Variants in SLC9A7 observed in about 807,000 individuals in gnomAD.
The protein encoded by SLC9A7 is sodium/hydrogen exchanger 7.
In SLC9A7, 19 loss-of-function variants were observed where a neutral mutation model predicts 52.6. The ratio of observed to expected loss-of-function variants is 0.36; its 90% CI spans 0.25 to 0.53. The LOEUF (loss-of-function observed/expected upper bound fraction) is 0.53. Ranked by LOEUF, SLC9A7 falls within the 20% of genes least tolerant of loss-of-function variation. The pLI is 0.91. For synonymous variants in SLC9A7, 226 were observed against 252.1 expected (o/e 0.90, Z 0.98); for missense variants, 455 against 597.9 (o/e 0.76, Z 2.49).
intron 1 of SLC9A7, among the ~76,000 whole-genome samples, chrX:46,687,167 TTAATTC>T (rs1460510028): frequency 8.9e-6 from 1 of 112,091 alleles, no homozygotes; most frequent in Admixed American, 9.5e-5. Flanking sequence ...ATGGTGAGGT[TTAATTC>T]TAGACAGCCA....
At chrX:46,657,289 C>G (rs1435251193) in intron 7 of SLC9A7, among the ~76,000 whole-genome samples, 4 of 109,572 alleles carry the variant, frequency 3.7e-5, no homozygotes, top group Middle Eastern at 4.2e-3. Context: ...TAAAGACCAT[C>G]GAGACTAGGA....
chrX:46,683,883 T>C (rs565670836), intron 1 of SLC9A7, among the ~76,000 whole-genome samples: 1 of 112,384 alleles, frequency 8.9e-6, no homozygotes, highest in South Asian at 3.7e-4. Context: ...AAAAGAACGA[T>C]GTTTACTGTC....
chrX:46,714,869 C>G (rs747015127), intron 1 of SLC9A7, among the ~76,000 whole-genome samples: 2 of 111,194 alleles, frequency 1.8e-5, no homozygotes, highest in African/African-American at 3.3e-5. Flanking sequence ...TTAGAAAGAA[C>G]CAATAGAAAT....
intron 7 of SLC9A7, among the ~76,000 whole-genome samples, chrX:46,658,894 A>G (rs1244967060): frequency 9.0e-6 from 1 of 110,822 alleles, no homozygotes; most frequent in Non-Finnish European, 1.9e-5. Flanking sequence ...TCATCCTGAT[A>G]CCAAAGCTGG....
intron 5 of SLC9A7, among the ~76,000 whole-genome samples, chrX:46,668,939 G>A (rs777787786): frequency 9.0e-6 from 1 of 111,242 alleles, no homozygotes; most frequent in Non-Finnish European, 1.9e-5. Flanking sequence ...AGGCCAAGGC[G>A]GGTGGATCAC....
chrX:46,661,916 G>T, intron 7 of SLC9A7, 100 bp downstream of exon 7: 1 of 809,745 alleles, frequency 1.2e-6, no homozygotes, highest in African/African-American at 2.1e-5. Context: ...AACACTCAAT[G>T]TAAAATTCCA....
chrX:46,710,972 G>C (rs1302728410), intron 1 of SLC9A7, among the ~76,000 whole-genome samples: 1 of 112,823 alleles, frequency 8.9e-6, no homozygotes, highest in Non-Finnish European at 1.9e-5. Flanking sequence ...TTGGCACTCT[G>C]GTTTAGCCTC....
intron 1 of SLC9A7, among the ~76,000 whole-genome samples, chrX:46,745,059 G>A (rs1427495175): frequency 1.8e-5 from 2 of 110,924 alleles, no homozygotes; most frequent in Non-Finnish European, 3.8e-5. Context: ...AATTTTGTCA[G>A]AATTCTAGAA....
intron 3 of SLC9A7, among the ~76,000 whole-genome samples, chrX:46,677,249 G>A (rs1324810489): frequency 8.9e-6 from 1 of 111,949 alleles, no homozygotes; most frequent in African/African-American, 3.2e-5. Flanking sequence ...TGCTATGAGC[G>A]AAAGAGGCAG....
intron 1 of SLC9A7, among the ~76,000 whole-genome samples, chrX:46,682,959 A>ATTTTTTTTTT (rs1276924527): frequency 1.6e-5 from 1 of 62,474 alleles, no homozygotes. Context: ...ACACCCGGCT[A>ATTTTTTTTTT]ATTTTTTTTT....
intron 14 of SLC9A7, among the ~76,000 whole-genome samples, chrX:46,629,823 G>A (rs1336132175): frequency 9.0e-6 from 1 of 111,713 alleles, no homozygotes; most frequent in East Asian, 2.8e-4. Context: ...CTCAGGCTGA[G>A]TTTCAAGATC....
intron 12 of SLC9A7, among the ~76,000 whole-genome samples, chrX:46,640,060 C>T (rs1410300729): frequency 9.0e-6 from 1 of 111,701 alleles, no homozygotes; most frequent in Non-Finnish European, 1.9e-5. Context: ...TATGAAAGAC[C>T]CAGCAAGATT....
intron 5 of SLC9A7, among the ~76,000 whole-genome samples, chrX:46,662,876 T>C (rs970035742): frequency 8.9e-6 from 1 of 112,197 alleles, no homozygotes. Context: ...CAAAACACTA[T>C]GCTTTCCACT....
chrX:46,646,731 G>C (rs113919649), intron 11 of SLC9A7: 10,744 of 295,790 alleles, frequency 0.036, 408 homozygotes, highest in East Asian at 0.19. Flanking sequence ...GCAGTCAGCA[G>C]GTTCTGCTCT....
At chrX:46,662,263 T>C in intron 6 of SLC9A7, 106 bp from the exon 7 acceptor site, 1 of 786,814 alleles carries the variant, frequency 1.3e-6, no homozygotes, top group South Asian at 2.9e-5. Context: ...TGTCAAGCAT[T>C]GGCCAGGGTA....
chrX:46,704,946 T>G (rs1350010632), intron 1 of SLC9A7, among the ~76,000 whole-genome samples: 2 of 112,043 alleles, frequency 1.8e-5, no homozygotes, highest in Non-Finnish European at 3.8e-5. Flanking sequence ...AAAGGCGACA[T>G]AGCAGACAAC....
intron 1 of SLC9A7, among the ~76,000 whole-genome samples, chrX:46,713,384 C>T (rs1238623679): frequency 9.1e-6 from 1 of 109,337 alleles, no homozygotes; most frequent in Non-Finnish European, 1.9e-5. Context: ...GCCTGTAATC[C>T]CAGCTACTTG....
At chrX:46,754,191 C>A (rs1356916772) in intron 1 of SLC9A7, among the ~76,000 whole-genome samples, 3 of 111,188 alleles carry the variant, frequency 2.7e-5, no homozygotes, top group Non-Finnish European at 5.7e-5. Context: ...AATCACAAAG[C>A]CTAAAATGAG....
chrX:46,692,509 T>A (rs1271160068), intron 1 of SLC9A7, among the ~76,000 whole-genome samples: 1 of 111,170 alleles, frequency 9.0e-6, no homozygotes, highest in African/African-American at 3.3e-5. Flanking sequence ...AAAATGCCAA[T>A]GTTGGAAGGG....
Sources: allele counts gnomAD v4.1 joint callset (sites outside exome capture counted in the v4.1 genomes callset), GRCh38; gene constraint gnomAD v4.1.1; transcripts MANE v1.5; gene names NCBI Gene and HGNC (gene_info 2026-07-23, HGNC 2026-07-21).